MYOM2: variants seen among roughly 807,000 people sequenced by gnomAD.
MYOM2 encodes myomesin-2.
A neutral mutation model predicts 187.6 loss-of-function variants in MYOM2; 254 were observed. The observed-to-expected ratio is 1.35, with a 90% confidence interval of 1.22 to 1.50. MYOM2 has a LOEUF of 1.50. MYOM2 is among the 40% of genes most tolerant of loss of function. The probability of loss-of-function intolerance (pLI) is 0.00; values close to 1 mark genes in which losing one functional copy is unlikely to be tolerated. For synonymous variants in MYOM2, 981 were observed against 753.8 expected, an observed-to-expected ratio of 1.30 and a Z score of -4.94; for missense variants, 2,796 against 1,924.0, an observed-to-expected ratio of 1.45 and a Z score of -8.48.
intron 8 of MYOM2, among the ~76,000 whole-genome samples, chr8:2,071,517 G>A (rs1299297769): frequency 6.6e-6 from 1 of 152,104 alleles, no homozygotes; most frequent in Non-Finnish European, 1.5e-5. Flanking sequence ...TTGTTTTGAG[G>A]AGGAGGCAGC....
rs925118432 is a variant in MYOM2 at position 2,092,344 on chromosome 8, A to T, written c.1829-2A>T. 3.7e-6 allele frequency: 6 copies of T among 1,613,652 alleles called. No homozygotes were observed. The highest frequency in any genetic ancestry group is 5.1e-6 in the Non-Finnish European group (6 of 1,179,810). On this transcript the variant is annotated splice_acceptor_variant, in intron 15 of 36. Coordinates refer to ENST00000262113, the MANE Select transcript of MYOM2 (RefSeq NM_003970.4). LOFTEE classifies it high-confidence loss of function. ...ACCACTCCTTTTGTCTCCTACGAAA[A>T]GTTGTCCCTTCTGCTCCGGGTCGGG...
chr8:2,133,676 G>C (rs1797954958), intron 32 of MYOM2, among the ~76,000 whole-genome samples: 1 of 152,176 alleles, frequency 6.6e-6, no homozygotes, highest in Non-Finnish European at 1.5e-5. Flanking sequence ...GGCCAGGCCG[G>C]TCTCGAACTC....
At chr8:2,111,031 A>T (rs1797053167) in intron 25 of MYOM2, among the ~76,000 whole-genome samples, 1 of 152,218 alleles carries the variant, frequency 6.6e-6, no homozygotes, top group Admixed American at 6.5e-5. Context: ...TGATCCAGGT[A>T]ATTGGAGAAA....
intron 31 of MYOM2, among the ~76,000 whole-genome samples, chr8:2,127,012 A>G (rs562805570): frequency 1.1e-3 from 163 of 144,106 alleles, no homozygotes; most frequent in Middle Eastern, 8.5e-3. Flanking sequence ...AGAGGCTGAT[A>G]GAGGCTGGGG....
intron 34 of MYOM2, among the ~76,000 whole-genome samples, chr8:2,141,955 C>T (rs1334080671): frequency 6.6e-6 from 1 of 152,098 alleles, no homozygotes; most frequent in Non-Finnish European, 1.5e-5. Flanking sequence ...GACCGCAGTC[C>T]TTGGCCCATG....
chr8:2,115,585 C>A (rs1180414652), intron 25 of MYOM2, among the ~76,000 whole-genome samples: 1 of 152,206 alleles, frequency 6.6e-6, no homozygotes, highest in Non-Finnish European at 1.5e-5. Flanking sequence ...TTGTTGCTAT[C>A]CATGTGGGAT....
At position 2,112,052 on chromosome 8, in the gene MYOM2, C is replaced by G. The variant is rs565619085; in HGVS notation, c.3180+2521C>G. ...CGATGAAACAAAAATTGCAGCATCC[C>G]CGGGAGCTGTTGGGAGCTTGGGCGG... On this transcript the variant is annotated intron_variant, in intron 25 of 36. Transcript: ENST00000262113. Among the ~76,000 whole-genome samples, 14 of 152,254 alleles carry G rather than the reference C, an allele frequency of 9.2e-5. No homozygotes were observed. In the East Asian group the frequency reaches 2.3e-3, roughly 25 times the overall value.
At chr8:2,144,183 C>A (rs1186605042) in intron 36 of MYOM2, among the ~76,000 whole-genome samples, 1 of 151,266 alleles carries the variant, frequency 6.6e-6, no homozygotes, top group East Asian at 1.9e-4. Flanking sequence ...TTACTTTATC[C>A]TAGGCTGAAA....
At chr8:2,135,960 A>T (rs1798054157) in intron 32 of MYOM2, among the ~76,000 whole-genome samples, 1 of 152,184 alleles carries the variant, frequency 6.6e-6, no homozygotes, top group Non-Finnish European at 1.5e-5. Flanking sequence ...GGGAGTGGGA[A>T]GCTGGAAACC....
At chr8:2,104,986 C>T (rs1412983229) in intron 21 of MYOM2, among the ~76,000 whole-genome samples, 3 of 152,174 alleles carry the variant, frequency 2.0e-5, no homozygotes, top group African/African-American at 7.2e-5. Context: ...CTATGTTGCC[C>T]AGGCTGGTCT....
intron 25 of MYOM2, among the ~76,000 whole-genome samples, chr8:2,109,917 C>CA (rs1563062206): frequency 3.3e-5 from 5 of 152,316 alleles, no homozygotes; most frequent in Non-Finnish European, 7.3e-5. Flanking sequence ...ATTCTCCCCC[C>CA]ACTGACAGCT....
chr8:2,106,085 C>T (rs958277324), intron 21 of MYOM2, among the ~76,000 whole-genome samples, 157 bp from the exon 22 acceptor site: 8 of 151,864 alleles, frequency 5.3e-5, no homozygotes, highest in South Asian at 2.1e-4. Flanking sequence ...AAACCACCCC[C>T]GTGATCCAAT....
Position 2,106,303 on chromosome 8 carries a change from C to T in MYOM2, c.2796C>T (p.Cys932=). 6.2e-7 allele frequency: 1 copy of T among 1,614,084 alleles called. No individual in the cohort carries two copies. Among genetic ancestry groups the T allele is most frequent in the Non-Finnish European group, 8.5e-7 (1 of 1,179,976 alleles). ...GCAACATCTATCTGGGCTTCGACTG[C>T]CAGGAAATGACAGACGCGTCTCAGT... ...EQGNIYLGFD[C]QEMTDASQFT... The change falls in exon 22 of 37, where the codon TGC becomes TGT. Residue 932 remains cysteine, a synonymous_variant. Coordinates refer to ENST00000262113, the MANE Select transcript of MYOM2 (RefSeq NM_003970.4).
At chr8:2,053,059 A>G (rs1036864649) in intron 3 of MYOM2, among the ~76,000 whole-genome samples, 5 of 152,146 alleles carry the variant, frequency 3.3e-5, no homozygotes, top group African/African-American at 7.2e-5. Flanking sequence ...CTTGTTTTAT[A>G]CCTGCTGTAT....
chr8:2,108,853 C>T (rs939297451), intron 24 of MYOM2, 23 bp downstream of exon 24: 2 of 1,612,692 alleles, frequency 1.2e-6, no homozygotes, highest in African/African-American at 2.7e-5. Flanking sequence ...CCAGCCCTTC[C>T]CCTCTGCTTG....
intron 34 of MYOM2, among the ~76,000 whole-genome samples, chr8:2,141,602 A>G (rs903338741): frequency 6.6e-6 from 1 of 151,974 alleles, no homozygotes; most frequent in African/African-American, 2.4e-5. Flanking sequence ...TGTGTGGAGG[A>G]GAGTTTTATT....
intron 13 of MYOM2, among the ~76,000 whole-genome samples, chr8:2,079,852 C>T (rs1819562082): frequency 6.6e-6 from 1 of 152,178 alleles, no homozygotes; most frequent in Non-Finnish European, 1.5e-5. Flanking sequence ...CTTAGACTCA[C>T]CTTTCATTTG....
At chr8:2,076,316 G>A (rs769700104) in intron 11 of MYOM2, 34 bp downstream of exon 11, 5 of 1,607,300 alleles carry the variant, frequency 3.1e-6, no homozygotes, top group Admixed American at 1.7e-5. Context: ...GGATGGGAAC[G>A]TTCCGCATGG....
chr8:2,060,407 G>C (rs1463388060), intron 6 of MYOM2, among the ~76,000 whole-genome samples: 2 of 152,098 alleles, frequency 1.3e-5, no homozygotes, highest in Non-Finnish European at 1.5e-5. Flanking sequence ...TGCATGTTGT[G>C]TTTATATATG....
Sources: allele counts gnomAD v4.1 joint callset (sites outside exome capture counted in the v4.1 genomes callset), GRCh38; gene constraint gnomAD v4.1.1; transcripts MANE v1.5; gene names NCBI Gene and HGNC (gene_info 2026-07-23, HGNC 2026-07-21).